The following DNAH14 variants were observed in gnomAD, a reference collection of about 807,000 sequenced individuals.
DNAH14 encodes axonemal beta dynein heavy chain 14.
A neutral mutation model predicts 520.9 loss-of-function variants in DNAH14; 478 were observed. The observed-to-expected ratio is 0.92, with a 90% CI of 0.85 to 0.99. The LOEUF is 0.99. Ranked by LOEUF, DNAH14 falls within the 50% of genes least tolerant of loss-of-function variation. The pLI is 0.00. For synonymous variants in DNAH14, 1,581 were observed against 1,757.2 expected (o/e 0.90, Z 2.51); for missense variants, 4,831 against 5,234.5 (o/e 0.92, Z 2.38).
rs918239286 is a variant in DNAH14 at position 225,100,580 on chromosome 1, G to C, written c.3696-133G>C. 4.1e-6 allele frequency: 3 copies of C among 731,872 alleles called. No individual in the cohort carries two copies. The African/African-American group carries it at 5.5e-5, about 13-fold the overall frequency. The allele number at this position is 731,872 out of a possible 1,614,324, so 45.3% of individuals were successfully genotyped here. A position where few individuals can be genotyped will look rare whatever the true frequency, so the allele number is the denominator to read the frequency against. On this transcript the variant is annotated intron_variant, in intron 22 of 85. Coordinates refer to ENST00000682510, the MANE Select transcript of DNAH14 (RefSeq NM_001367479.1). ...TAATAGGCACTTAAAAAGTATCTTT[G>C]ATGATTTATCAAGAAAATTTAACAT...
intron 81 of DNAH14, among the ~76,000 whole-genome samples, chr1:225,382,278 C>A (rs1297763139): frequency 6.6e-6 from 1 of 152,054 alleles, no homozygotes; most frequent in African/African-American, 2.4e-5. Context: ...AAATTGGAAC[C>A]CAAATGCACC....
intron 23 of DNAH14, among the ~76,000 whole-genome samples, chr1:225,114,398 C>A (rs1007910613): frequency 6.6e-6 from 1 of 152,166 alleles, no homozygotes; most frequent in Non-Finnish European, 1.5e-5. Context: ...CCTCTCCTGT[C>A]CTGAAGTGGA....
chr1:225,281,101 A>C (rs759802381), intron 54 of DNAH14, among the ~76,000 whole-genome samples: 1 of 152,224 alleles, frequency 6.6e-6, no homozygotes, highest in Non-Finnish European at 1.5e-5. Context: ...ACACATTGCA[A>C]ATATGGCAAC....
chr1:224,963,429 T>C (rs577640135), intron 4 of DNAH14, among the ~76,000 whole-genome samples: 1 of 152,286 alleles, frequency 6.6e-6, no homozygotes, highest in Non-Finnish European at 1.5e-5. Context: ...CTCTAATCCA[T>C]CTATAATTTA....
chr1:225,185,902 T>G (rs2149318620), intron 37 of DNAH14, among the ~76,000 whole-genome samples: 1 of 151,184 alleles, frequency 6.6e-6, no homozygotes, highest in African/African-American at 2.4e-5. Flanking sequence ...CACTGATAAA[T>G]ATTCCTTTTC....
At chr1:225,317,791 A>G (rs920418678) in intron 60 of DNAH14, among the ~76,000 whole-genome samples, 1 of 152,198 alleles carries the variant, frequency 6.6e-6, no homozygotes, top group African/African-American at 2.4e-5. Context: ...AGATGCATAC[A>G]TTATAAACCT....
At chr1:225,057,785 G>A (rs146908204) in intron 17 of DNAH14, among the ~76,000 whole-genome samples, 129,593 of 152,202 alleles carry the variant, frequency 0.85, 58,756 homozygotes, top group Non-Finnish European at 1. Flanking sequence ...TATTGAGATA[G>A]TCATATGGTT....
At chr1:225,104,020 G>A (rs144450986) in intron 23 of DNAH14, among the ~76,000 whole-genome samples, 35 of 152,176 alleles carry the variant, frequency 2.3e-4, no homozygotes, top group South Asian at 8.3e-4. Flanking sequence ...TGATAGTGGC[G>A]TGGGTTTGTC....
At chr1:225,277,554 C>G (rs1033476452) in intron 54 of DNAH14, 52 bp downstream of exon 54, 4 of 461,084 alleles carry the variant, frequency 8.7e-6, no homozygotes, top group African/African-American at 8.1e-5. Flanking sequence ...TAAAATAAAT[C>G]CCAATAAAAT....
chr1:225,312,374 A>G (rs903540349), intron 60 of DNAH14, among the ~76,000 whole-genome samples: 1 of 152,176 alleles, frequency 6.6e-6, no homozygotes, highest in Non-Finnish European at 1.5e-5. Context: ...TAAATATACA[A>G]TCATGTCATC....
intron 49 of DNAH14, 143 bp downstream of exon 49, chr1:225,266,912 A>ACTTTG: frequency 1.5e-6 from 1 of 658,290 alleles, no homozygotes; most frequent in Non-Finnish European, 2.4e-6. Context: ...GAGACCCTAA[A>ACTTTG]CTAACTATAT....
In DNAH14 at chr1:225,366,955, A is replaced by G. The variant is rs182099419; in HGVS notation, c.12091-850A>G. Among the ~76,000 whole-genome samples the G allele has an allele frequency of 6.6e-5, 10 of 151,444 alleles. No homozygotes were observed. The East Asian group carries it at 1.5e-3, about 23-fold the overall frequency. On this transcript the variant is annotated intron_variant, in intron 76 of 85. Coordinates refer to ENST00000682510, the MANE Select transcript of DNAH14 (RefSeq NM_001367479.1). ...CTCCTCTTATGGTACAAATCCCACT[A>G]TACACACACAGGACATGGGAATCTG...
intron 23 of DNAH14, among the ~76,000 whole-genome samples, chr1:225,103,611 T>C (rs1335041281): frequency 1.4e-4 from 22 of 152,126 alleles, no homozygotes; most frequent in Admixed American, 1.4e-3. Flanking sequence ...TTCACGTCCC[T>C]TGTAAGTTGG....
In DNAH14 at chr1:225,286,518, T is replaced by C. The variant is rs980497252; in HGVS notation, c.8272-3367T>C. Among the ~76,000 whole-genome samples, 3 of 152,092 alleles carry C rather than the reference T, an allele frequency of 2.0e-5. No homozygotes were observed. The East Asian group carries it at 5.8e-4, about 29-fold the overall frequency. On this transcript the variant is annotated intron_variant, in intron 54 of 85. Coordinates refer to ENST00000682510, the MANE Select transcript of DNAH14 (RefSeq NM_001367479.1). ...TATCAGTTGTCATTAGGGGAAACAA[T>C]AACGAGATACCACAACATCCCTATT... is the stretch of plus-strand genomic sequence containing the variant.
chr1:225,131,408 C>G (rs183547757), intron 27 of DNAH14, among the ~76,000 whole-genome samples: 26 of 152,234 alleles, frequency 1.7e-4, no homozygotes, highest in African/African-American at 6.0e-4. Flanking sequence ...ATTGGCATTC[C>G]TTGGCTCACA....
intron 77 of DNAH14, among the ~76,000 whole-genome samples, chr1:225,369,503 CAT>C (rs1342963932): frequency 4.0e-5 from 6 of 151,162 alleles, no homozygotes; most frequent in Non-Finnish European, 8.8e-5. Flanking sequence ...TATATACACA[CAT>C]GTATATATAC....
chr1:225,051,950 A>C (rs552438238), intron 17 of DNAH14, among the ~76,000 whole-genome samples, 155 bp downstream of exon 17: 2 of 152,316 alleles, frequency 1.3e-5, no homozygotes, highest in African/African-American at 4.8e-5. Context: ...ATACTCAGAA[A>C]ATTTTAATGT....
intron 9 of DNAH14, among the ~76,000 whole-genome samples, chr1:225,006,814 C>CT (rs2064207615): frequency 1.3e-5 from 2 of 152,098 alleles, no homozygotes. Flanking sequence ...CTCTGTGACC[C>CT]ACTCCCTATT....
intron 10 of DNAH14, among the ~76,000 whole-genome samples, chr1:225,008,309 T>C (rs2147867244): frequency 6.6e-6 from 1 of 152,336 alleles, no homozygotes; most frequent in African/African-American, 2.4e-5. Flanking sequence ...CACATTTTCT[T>C]TATCCAGTCT....
Sources: gnomAD v4.1 joint callset for allele counts (sites outside exome capture counted in the v4.1 genomes callset) on GRCh38, gnomAD v4.1.1 for gene constraint, MANE v1.5 for transcripts, NCBI Gene and HGNC (gene_info 2026-07-23, HGNC 2026-07-21) for gene names.